Variants in SMC3 observed in about 807,000 individuals in gnomAD.
The protein encoded by SMC3 is structural maintenance of chromosomes protein 3.
A neutral mutation model predicts 171.8 loss-of-function variants in SMC3; 20 were observed. The observed-to-expected ratio is 0.12, with a 90% confidence interval of 0.08 to 0.17. The LOEUF is 0.17. Among genes scored for constraint, SMC3 ranks in the 10% least tolerant of loss-of-function variants. The pLI is 1.00. For synonymous variants in SMC3, 464 were observed against 451.1 expected (o/e 1.03, Z -0.36); for missense variants, 543 against 1,420.4 (o/e 0.38, Z 9.93).
Position 110,596,378 on chromosome 10 carries a change from T to G in SMC3, c.1964-20T>G. On this transcript the variant is annotated intron_variant, in intron 18 of 28. Coordinates refer to ENST00000361804, the MANE Select transcript of SMC3 (RefSeq NM_005445.4). ...GAATAAAAAAGTTGTACAGACCTAT[T>G]ACATATGTTTTGTTTATAGGTGACC... 1 of 1,610,232 alleles carries G rather than the reference T, an allele frequency of 6.2e-7. No homozygotes were observed. Among genetic ancestry groups the G allele is most frequent in the Non-Finnish European group, 8.5e-7 (1 of 1,177,894 alleles).
At chr10:110,595,032 G>C (rs933198156) in intron 18 of SMC3, among the ~76,000 whole-genome samples, 4 of 151,156 alleles carry the variant, frequency 2.6e-5, no homozygotes, top group Admixed American at 1.3e-4. Flanking sequence ...GCCCAGGCTG[G>C]AGTGCAGTGG....
chr10:110,577,396 A>G lies in SMC3; in HGVS notation c.199-25A>G, dbSNP rs186815041. ...ATATGAATATACAACTTAAATGGCA[A>G]ATTTCTCACTTCTTTCATTTTTAGG... On this transcript the variant is annotated intron_variant, in intron 4 of 28. Transcript: ENST00000361804. The G allele has an allele frequency of 4.7e-4, 746 of 1,573,418 alleles. 4 individuals are homozygous for G. In the African/African-American group the frequency reaches 8.8e-3, roughly 19 times the overall value.
intron 18 of SMC3, among the ~76,000 whole-genome samples, chr10:110,594,009 T>G (rs10787253): frequency 0.74 from 112,010 of 151,992 alleles, 42,506 homozygotes; most frequent in Non-Finnish European, 0.84. Context: ...AAAATTTATT[T>G]TCAATTATTT....
chr10:110,584,532 A>T lies in SMC3; in HGVS notation c.1305+136A>T, dbSNP rs138316512. The T allele has an allele frequency of 2.6e-3, 1,675 of 649,224 alleles. 11 individuals carry two copies. Among genetic ancestry groups the T allele is most frequent in the African/African-American group, 0.012 (674 of 54,554 alleles). The allele number at this position is 649,224 out of a possible 1,614,324, so 40.2% of individuals were successfully genotyped here. ...TATATGACAGATACTTATTTAGAAAAGGCCTGCACAGTTTAATATACATAT... is the reference window on the plus strand; with the variant it reads ...TATATGACAGATACTTATTTAGAAATGGCCTGCACAGTTTAATATACATAT... On this transcript the variant is annotated intron_variant, in intron 13 of 28. Coordinates refer to ENST00000361804, the MANE Select transcript of SMC3 (RefSeq NM_005445.4).
At chr10:110,593,007 T>G in intron 17 of SMC3, 66 bp from the exon 18 acceptor site, 1 of 1,277,830 alleles carries the variant, frequency 7.8e-7, no homozygotes, top group South Asian at 1.2e-5. Context: ...AAAGATGTAA[T>G]TTCATAATTC....
At chr10:110,582,466 T>G in intron 9 of SMC3, 96 bp from the exon 10 acceptor site, 2 of 856,902 alleles carry the variant, frequency 2.3e-6, no homozygotes, top group Non-Finnish European at 3.7e-6. Context: ...AGCAGTTACT[T>G]TTGGTTTATT....
intron 15 of SMC3, 70 bp from the exon 16 acceptor site, chr10:110,590,339 TGTG>T (rs1391812284): frequency 1.1e-4 from 133 of 1,250,464 alleles, no homozygotes; most frequent in Non-Finnish European, 1.8e-5. Flanking sequence ...TGTATGGTGT[TGTG>T]GGCTCATTCC....
intron 17 of SMC3, 26 bp downstream of exon 17, chr10:110,591,158 T>C (rs368673338): frequency 3.4e-5 from 54 of 1,607,842 alleles, no homozygotes; most frequent in Non-Finnish European, 4.3e-5. Context: ...ATAAGGTGTA[T>C]TTCTCTTTTA....
Position 110,584,285 on chromosome 10 carries a change from A to G in SMC3, c.1194A>G (p.Glu398=), listed in dbSNP as rs141561837. 12 of 1,613,980 alleles carry G rather than the reference A, an allele frequency of 7.4e-6. No homozygotes were observed. In the East Asian group the frequency reaches 2.5e-4, roughly 33 times the overall value. The change falls in exon 13 of 29, where the codon GAA becomes GAG. Residue 398 remains glutamate (E), a synonymous_variant. Coordinates refer to ENST00000361804, the MANE Select transcript of SMC3 (RefSeq NM_005445.4). ...AAAGGGATAAGTGGATTAAAAAGGA[A>G]CTCAAGTCTTTAGATCAGGCTATTA... ...KEERDKWIKK[E]LKSLDQAIND...
In SMC3 at chr10:110,599,704, C is replaced by T; in HGVS notation, c.2319C>T (p.Thr773=). The T allele has an allele frequency of 6.2e-7, 1 of 1,614,016 alleles. No individual in the cohort carries two copies. The highest frequency in any genetic ancestry group is 1.3e-5 in the African/African-American group (1 of 75,014). ...LEASLHAMES[T]RESLKAELGT... is the part of the protein sequence containing the mutation. Reference sequence around the variant, plus strand: ...CAAGCTTGCATGCTATGGAGTCTACCAGAGAGTCATTGAAAGCAGAACTGG... The same window carrying T: ...CAAGCTTGCATGCTATGGAGTCTACTAGAGAGTCATTGAAAGCAGAACTGG... The change falls in exon 21 of 29, where the codon ACC becomes ACT. Residue 773 remains threonine (T), a synonymous_variant. Coordinates refer to ENST00000361804, the MANE Select transcript of SMC3 (RefSeq NM_005445.4).
At position 110,605,480 on chromosome 10, in the gene SMC3, G is replaced by T. The variant is rs117553447; in HGVS notation, c.*1178G>T. Among the ~76,000 whole-genome samples the T allele has an allele frequency of 1.3e-5, 2 of 152,202 alleles. No homozygotes were observed. The highest frequency in any genetic ancestry group is 3.9e-4 in the East Asian group (2 of 5,190). On this transcript the variant is annotated 3_prime_UTR_variant, in exon 29 of 29. Transcript: ENST00000361804. ...ATACTGGTTATCTGCAGGAGAATTT[G>T]TTAGGAGCTACTCTTCCATCATTGG...
Position 110,604,459 on chromosome 10 carries a change from T to C in SMC3, c.*157T>C. On this transcript the variant is annotated 3_prime_UTR_variant, in exon 29 of 29. Transcript: ENST00000361804. ...TGTCTTTGTATTTTATAAGATACTC[T>C]GTAATGTCATGTTTGTACTGATAGT... 3.3e-6 allele frequency: 2 copies of C among 608,902 alleles called. No individual in the cohort carries two copies. Among genetic ancestry groups the C allele is most frequent in the Non-Finnish European group, 2.9e-6 (1 of 340,994 alleles). 37.7% of individuals were successfully genotyped at this position (608,902 alleles called of 1,614,324 possible). A position where few individuals can be genotyped will look rare whatever the true frequency, so the allele number is the denominator to read the frequency against.
intron 8 of SMC3, 41 bp from the exon 9 acceptor site, chr10:110,581,882 T>A: frequency 1.3e-6 from 2 of 1,503,914 alleles, no homozygotes; most frequent in Non-Finnish European, 1.9e-6. Context: ...TACATAAAAA[T>A]CTTATTCAAT....
At chr10:110,570,003 A>G (rs1275514317) in intron 2 of SMC3, among the ~76,000 whole-genome samples, 1 of 152,250 alleles carries the variant, frequency 6.6e-6, no homozygotes, top group East Asian at 1.9e-4. Flanking sequence ...TAAGGCAGCC[A>G]TAACAAAATA....
At chr10:110,579,166 AC>A (rs1452497040) in intron 7 of SMC3, among the ~76,000 whole-genome samples, 1 of 152,110 alleles carries the variant, frequency 6.6e-6, no homozygotes, top group Non-Finnish European at 1.5e-5. Flanking sequence ...CAAACTACAA[AC>A]TTTTTTAGCT....
At chr10:110,576,104 AAT>A (rs1590550995) in intron 4 of SMC3, among the ~76,000 whole-genome samples, 1 of 152,214 alleles carries the variant, frequency 6.6e-6, no homozygotes, top group East Asian at 1.9e-4. Flanking sequence ...ATAAGTCAAA[AAT>A]GGACATTAGC....
rs535485346 is a variant in SMC3, at chr10:110,586,609, G to A, written c.1305+2213G>A. Among the ~76,000 whole-genome samples the A allele has an allele frequency of 1.3e-4, 20 of 152,254 alleles. No individual in the cohort carries two copies. In the East Asian group the frequency reaches 3.9e-3, roughly 29 times the overall value. Reference sequence around the variant, plus strand: ...GGTTATCAGAATGACCACTTGTAAAGATGAAGCCTTTCCTTTGGACAGAGA... The same window carrying A: ...GGTTATCAGAATGACCACTTGTAAAAATGAAGCCTTTCCTTTGGACAGAGA... On this transcript the variant is annotated intron_variant, in intron 13 of 28. Transcript: ENST00000361804.
At chr10:110,595,943 GAC>G (rs1159494836) in intron 18 of SMC3, among the ~76,000 whole-genome samples, 1 of 36,964 alleles carries the variant, frequency 2.7e-5, no homozygotes, top group East Asian at 6.0e-4. Context: ...TTTTTTTAAA[GAC>G]TGCAAATTTT....
chr10:110,590,847 T>G (rs1347391306), intron 16 of SMC3, 144 bp from the exon 17 acceptor site: 21 of 772,878 alleles, frequency 2.7e-5, no homozygotes, highest in Non-Finnish European at 4.0e-5. Flanking sequence ...AACTGTTTGA[T>G]GCTTAAGTGT....
Sources: gnomAD v4.1 joint callset for allele counts (sites outside exome capture counted in the v4.1 genomes callset) on GRCh38, gnomAD v4.1.1 for gene constraint, MANE v1.5 for transcripts, NCBI Gene and HGNC (gene_info 2026-07-23, HGNC 2026-07-21) for gene names.